SPOCK1: variants seen among roughly 807,000 people sequenced by gnomAD.
The protein encoded by SPOCK1 is SPARC (osteonectin), cwcv and kazal like domains proteoglycan 1.
Under a neutral mutation model 55.3 loss-of-function variants are expected in SPOCK1, and 23 were observed. The ratio of observed to expected loss-of-function variants is 0.42; its 90% CI spans 0.30 to 0.59. The LOEUF is 0.59. Among genes scored for constraint, SPOCK1 ranks in the 20% least tolerant of loss-of-function variants. The pLI is 0.22. For missense variants in SPOCK1, 499 were observed against 552.5 expected (o/e 0.90, Z 0.97); for synonymous variants, 226 against 221.0 (o/e 1.02, Z -0.20).
intron 3 of SPOCK1, among the ~76,000 whole-genome samples, chr5:137,202,413 C>G (rs1268280421): frequency 1.3e-5 from 2 of 152,144 alleles, no homozygotes; most frequent in Non-Finnish European, 2.9e-5. Flanking sequence ...ACATGACAAA[C>G]CAGAAAAGCC....
At chr5:137,008,928 A>C (rs72792572) in intron 6 of SPOCK1, among the ~76,000 whole-genome samples, 11,310 of 152,184 alleles carry the variant, frequency 0.074, 528 homozygotes, top group East Asian at 0.22. Flanking sequence ...TCACTGTTTT[A>C]AGTGAGAACA....
intron 5 of SPOCK1, among the ~76,000 whole-genome samples, chr5:137,078,693 A>G (rs1752820982): frequency 6.6e-6 from 1 of 152,220 alleles, no homozygotes; most frequent in African/African-American, 2.4e-5. Context: ...AAGGATAACT[A>G]ATGATCTCTA....
chr5:137,084,557 G>T (rs1053485363), intron 5 of SPOCK1, among the ~76,000 whole-genome samples: 2 of 151,898 alleles, frequency 1.3e-5, no homozygotes, highest in Non-Finnish European at 2.9e-5. Flanking sequence ...AGGGGCACTG[G>T]GAAACCCCTA....
At chr5:137,186,490 C>A (rs1247255868) in intron 3 of SPOCK1, among the ~76,000 whole-genome samples, 3 of 152,204 alleles carry the variant, frequency 2.0e-5, no homozygotes, top group Non-Finnish European at 4.4e-5. Flanking sequence ...ATCTTCAAAG[C>A]CCTGGACCAA....
chr5:137,360,634 T>G (rs1301299254), intron 2 of SPOCK1, among the ~76,000 whole-genome samples: 1 of 152,234 alleles, frequency 6.6e-6, no homozygotes, highest in Non-Finnish European at 1.5e-5. Context: ...AAGATAGTCT[T>G]GATAATAATA....
At chr5:137,085,134 G>A (rs1752939824) in intron 5 of SPOCK1, among the ~76,000 whole-genome samples, 1 of 152,134 alleles carries the variant, frequency 6.6e-6, no homozygotes, top group African/African-American at 2.4e-5. Context: ...GCCACATGAG[G>A]AGGTGGCAAG....
At chr5:137,420,636 C>G (rs1373806245) in intron 2 of SPOCK1, among the ~76,000 whole-genome samples, 11 of 152,196 alleles carry the variant, frequency 7.2e-5, no homozygotes, top group African/African-American at 1.9e-4. Context: ...TGGGATCAGT[C>G]GTGATATCCC....
At chr5:137,039,558 C>T (rs1056231991) in intron 6 of SPOCK1, among the ~76,000 whole-genome samples, 4 of 152,204 alleles carry the variant, frequency 2.6e-5, no homozygotes, top group African/African-American at 9.7e-5. Context: ...CTGCTACCTG[C>T]CACCTCTCTG....
At chr5:137,328,276 T>C (rs1758112881) in intron 2 of SPOCK1, among the ~76,000 whole-genome samples, 1 of 152,154 alleles carries the variant, frequency 6.6e-6, no homozygotes, top group Non-Finnish European at 1.5e-5. Context: ...CCCATCCTCA[T>C]CTGTACTCTG....
intron 4 of SPOCK1, among the ~76,000 whole-genome samples, chr5:137,138,045 A>T (rs1472571487): frequency 6.6e-6 from 1 of 152,214 alleles, no homozygotes; most frequent in East Asian, 1.9e-4. Flanking sequence ...GAATTACTAG[A>T]GGATGTGTTC....
chr5:137,225,928 C>T (rs111807651), intron 3 of SPOCK1, among the ~76,000 whole-genome samples: 2 of 152,208 alleles, frequency 1.3e-5, no homozygotes, highest in Admixed American at 6.5e-5. Flanking sequence ...GGTCTCCCCC[C>T]AGAGAGCACC....
intron 3 of SPOCK1, among the ~76,000 whole-genome samples, chr5:137,180,573 G>C (rs946664180): frequency 2.0e-5 from 3 of 152,114 alleles, no homozygotes; most frequent in African/African-American, 7.2e-5. Flanking sequence ...AGAGACTCAG[G>C]ACTGACAATG....
chr5:137,310,255 TATAA>T (rs1187287131), intron 2 of SPOCK1, among the ~76,000 whole-genome samples: 2 of 152,174 alleles, frequency 1.3e-5, no homozygotes, highest in Non-Finnish European at 2.9e-5. Flanking sequence ...GGGCAGTCTC[TATAA>T]ATAGAAGTTC....
At chr5:137,351,101 G>T (rs1397087986) in intron 2 of SPOCK1, among the ~76,000 whole-genome samples, 1 of 152,122 alleles carries the variant, frequency 6.6e-6, no homozygotes, top group Non-Finnish European at 1.5e-5. Context: ...ACCCACCAAG[G>T]ACCATAAGCA....
In SPOCK1 at chr5:137,024,323, G is replaced by GT. The variant is rs1751631363; in HGVS notation, c.590-31724_590-31723insA. On this transcript the variant is annotated intron_variant, in intron 6 of 10. Coordinates refer to ENST00000394945, the MANE Select transcript of SPOCK1 (RefSeq NM_004598.4). ...AATTGCACCAGTTTGAAGGGGGGGG[G>GT]GTAGTTACAACTGACTGCTCATGTT... Among the ~76,000 whole-genome samples, 11 of 143,286 alleles carry GT rather than the reference G, an allele frequency of 7.7e-5. 1 individual carries two copies. The highest frequency in any genetic ancestry group is 2.9e-4 in the African/African-American group (11 of 38,200). The allele number at this position is 143,286 out of a possible 152,430, so 94.0% of individuals were successfully genotyped here. A position where few individuals can be genotyped will look rare whatever the true frequency, so the allele number is the denominator to read the frequency against.
chr5:137,395,587 T>G (rs1011842273), intron 2 of SPOCK1, among the ~76,000 whole-genome samples: 3 of 152,202 alleles, frequency 2.0e-5, no homozygotes, highest in Non-Finnish European at 4.4e-5. Flanking sequence ...ATAACTAACA[T>G]AATCACCCAG....
rs189206623 is a variant in SPOCK1, at chr5:137,480,667, A to G, written c.186+17706T>C. On this transcript the variant is annotated intron_variant, in intron 2 of 10. Coordinates refer to ENST00000394945, the MANE Select transcript of SPOCK1 (RefSeq NM_004598.4). ...ATTTATTAAGATGTCAAGCTTCCCC[A>G]ACTTCTCCCCACTCCACGTCACCCA... 1.3e-3 allele frequency among the ~76,000 whole-genome samples: 191 copies of G among 152,230 alleles called. 1 individual carries two copies. The highest frequency in any genetic ancestry group is 4.6e-3 in the African/African-American group (189 of 41,536).
chr5:137,310,045 A>T (rs1356784482), intron 2 of SPOCK1, among the ~76,000 whole-genome samples: 1 of 152,134 alleles, frequency 6.6e-6, no homozygotes, highest in Admixed American at 6.5e-5. Flanking sequence ...GCCTAAAGAG[A>T]GCATAGACTT....
chr5:137,029,534 T>A (rs72792578), intron 6 of SPOCK1, among the ~76,000 whole-genome samples: 5,569 of 152,224 alleles, frequency 0.037, 112 homozygotes, highest in Non-Finnish European at 0.047. Flanking sequence ...ACCCAAGACT[T>A]TTTAGTGGAA....
Sources: allele counts gnomAD v4.1 joint callset (sites outside exome capture counted in the v4.1 genomes callset), GRCh38; gene constraint gnomAD v4.1.1; transcripts MANE v1.5; gene names NCBI Gene and HGNC (gene_info 2026-07-23, HGNC 2026-07-21).